The following PRLR variants were observed in gnomAD, a reference collection of about 807,000 sequenced individuals.
PRLR encodes the protein hPRL receptor.
In PRLR, 13 loss-of-function variants were observed where a neutral mutation model predicts 40.2. That is an observed-to-expected ratio of 0.32 (90% CI 0.21 to 0.51). PRLR has a LOEUF of 0.51. PRLR is among the 20% of genes least tolerant of loss of function. The pLI is 0.97. For missense variants in PRLR, 656 were observed against 747.3 expected (o/e 0.88, Z 1.42); for synonymous variants, 269 against 278.7 (o/e 0.97, Z 0.35).
At chr5:35,188,689 A>T (rs1254026791) in intron 1 of PRLR, among the ~76,000 whole-genome samples, 1 of 152,226 alleles carries the variant, frequency 6.6e-6, no homozygotes, top group Non-Finnish European at 1.5e-5. Flanking sequence ...GCCCTGACCA[A>T]CCAAAAAAGA....
intron 1 of PRLR, among the ~76,000 whole-genome samples, chr5:35,150,627 AAAGTT>A (rs1774315643): frequency 6.6e-6 from 1 of 152,236 alleles, no homozygotes; most frequent in South Asian, 2.1e-4. Context: ...AGTGGGTCAT[AAAGTT>A]AAGGCCTACA....
At chr5:35,053,182 A>G (rs911048146), downstream of PRLR, among the ~76,000 whole-genome samples, 1 of 152,220 alleles carries the variant, frequency 6.6e-6, no homozygotes, top group African/African-American at 2.4e-5. Context: ...ACTGTCCTGG[A>G]AGCCCAATAA....
At chr5:35,217,613 T>C (rs1478972143) in intron 1 of PRLR, among the ~76,000 whole-genome samples, 1 of 152,184 alleles carries the variant, frequency 6.6e-6, no homozygotes, top group Non-Finnish European at 1.5e-5. Flanking sequence ...CATATTAATA[T>C]ATATGGTATA....
At chr5:35,048,950 G>A in exon 9 of PRLR, 1 of 379,232 alleles carries the variant, frequency 2.6e-6, no homozygotes, top group South Asian at 2.0e-5. Flanking sequence ...ACCCTGTAAG[G>A]GAGACAACTG....
chr5:35,089,242 G>T (rs1771054440), intron 3 of PRLR, among the ~76,000 whole-genome samples: 1 of 152,132 alleles, frequency 6.6e-6, no homozygotes, highest in Non-Finnish European at 1.5e-5. Context: ...TAGGTAATTG[G>T]CTCTAGGTCA....
intron 1 of PRLR, among the ~76,000 whole-genome samples, chr5:35,209,286 G>A (rs893472343): frequency 6.6e-6 from 1 of 152,102 alleles, no homozygotes; most frequent in Non-Finnish European, 1.5e-5. Flanking sequence ...AATCTATTCT[G>A]TAATATGCTG....
chr5:35,111,132 GTATT>G (rs1368294137), intron 2 of PRLR, among the ~76,000 whole-genome samples: 1 of 152,174 alleles, frequency 6.6e-6, no homozygotes, highest in African/African-American at 2.4e-5. Flanking sequence ...TGGTGTAGTT[GTATT>G]TAGAGGGCAA....
At chr5:35,106,547 G>A (rs1167468228) in intron 2 of PRLR, among the ~76,000 whole-genome samples, 1 of 151,962 alleles carries the variant, frequency 6.6e-6, no homozygotes, top group Non-Finnish European at 1.5e-5. Context: ...CCAAGCAAAT[G>A]GAAAACAAAG....
chr5:35,083,076 C>T (rs1171774323), intron 5 of PRLR, among the ~76,000 whole-genome samples: 2 of 149,108 alleles, frequency 1.3e-5, no homozygotes, highest in African/African-American at 2.6e-5. Context: ...AATACACACA[C>T]ACACACACAC....
At chr5:35,137,678 C>T (rs995839326) in intron 1 of PRLR, among the ~76,000 whole-genome samples, 1 of 152,134 alleles carries the variant, frequency 6.6e-6, no homozygotes, top group Non-Finnish European at 1.5e-5. Context: ...AATAACAAGG[C>T]AAGACAAGAA....
intron 1 of PRLR, among the ~76,000 whole-genome samples, chr5:35,121,173 C>A (rs889242757): frequency 6.6e-6 from 1 of 152,180 alleles, no homozygotes; most frequent in African/African-American, 2.4e-5. Context: ...AGAGAATCAT[C>A]TGTTTCATAA....
chr5:35,141,484 G>T (rs368038044), intron 1 of PRLR, among the ~76,000 whole-genome samples: 1 of 152,130 alleles, frequency 6.6e-6, no homozygotes, highest in African/African-American at 2.4e-5. Context: ...AAAGACTGAG[G>T]CTGAGCAAAG....
intron 1 of PRLR, among the ~76,000 whole-genome samples, chr5:35,182,749 G>C (rs1399230377): frequency 6.6e-6 from 1 of 152,190 alleles, no homozygotes; most frequent in Non-Finnish European, 1.5e-5. Flanking sequence ...AATCTAAGAA[G>C]GGCAGAGGCA....
In PRLR at chr5:35,065,483, C is replaced by A; in HGVS notation, c.1475G>T (p.Trp492Leu). The A allele has an allele frequency of 6.2e-7, 1 of 1,614,138 alleles. No homozygotes were observed. Among genetic ancestry groups the A allele is most frequent in the Non-Finnish European group, 8.5e-7 (1 of 1,180,028 alleles). ...GGGGGTTTTCTCCTGGGGCAGCAGCCAGGGCGTATCCTGGTCAGTCTCAGA... is the reference window on the plus strand; with the variant it reads ...GGGGGTTTTCTCCTGGGGCAGCAGCAAGGGCGTATCCTGGTCAGTCTCAGA... The part of the protein sequence containing the change: ...FHSETDQDTP[W>L]LLPQEKTPFG... Residue 492 changes from tryptophan (W) to leucine (L), a missense_variant, in exon 10 of 10, where the codon TGG (tryptophan) becomes TTG (leucine). This residue lies in a region of PRLR where 469 missense variants were observed against 491.5 expected (regional missense o/e 0.95). Transcript: ENST00000618457.
chr5:35,115,712 C>A (rs1361454285), intron 2 of PRLR, among the ~76,000 whole-genome samples: 1 of 151,698 alleles, frequency 6.6e-6, no homozygotes, highest in African/African-American at 2.4e-5. Flanking sequence ...CAGGCAAAGA[C>A]AGTTTGTTCC....
intron 1 of PRLR, among the ~76,000 whole-genome samples, chr5:35,228,773 C>T (rs1489338532): frequency 6.6e-6 from 1 of 152,112 alleles, no homozygotes. Context: ...CCTTCAGCAG[C>T]GTGGCTGACT....
chr5:35,135,251 A>T (rs1182811067), intron 1 of PRLR: 1 of 152,236 alleles, frequency 6.6e-6, no homozygotes. Context: ...CAGAGAAGGA[A>T]TGCAGAGAGA....
At chr5:35,165,692 A>C (rs2111922541) in intron 1 of PRLR, among the ~76,000 whole-genome samples, 1 of 152,346 alleles carries the variant, frequency 6.6e-6, no homozygotes, top group African/African-American at 2.4e-5. Context: ...CAGAGTTTAC[A>C]GAAGAGGCTA....
intron 2 of PRLR, among the ~76,000 whole-genome samples, chr5:35,105,980 G>A (rs570811038): frequency 6.6e-6 from 1 of 152,322 alleles, no homozygotes; most frequent in East Asian, 1.9e-4. Context: ...CAGAGAGAAA[G>A]GTTGGGTTAC....
Sources: gnomAD v4.1 joint callset for allele counts (sites outside exome capture counted in the v4.1 genomes callset) on GRCh38, gnomAD v4.1.1 for gene constraint, gnomAD v4.1.1 regional missense constraint, MANE v1.5 for transcripts, NCBI Gene and HGNC (gene_info 2026-07-23, HGNC 2026-07-21) for gene names.